NTM: variants seen among roughly 807,000 people sequenced by gnomAD.
The protein encoded by NTM is neurotrimin, also known as IgLON family member 2.
NTM carries 13 observed loss-of-function variants against 42.1 expected under a neutral mutation model. That is an observed-to-expected ratio of 0.31 (90% confidence interval 0.20 to 0.49). The LOEUF (loss-of-function observed/expected upper bound fraction) is 0.49. Among genes scored for constraint, NTM ranks in the 20% least tolerant of loss-of-function variants. The probability of loss-of-function intolerance (pLI) is 0.99; values close to 1 mark genes in which losing one functional copy is unlikely to be tolerated. For synonymous variants in NTM, 187 were observed against 179.2 expected, an observed-to-expected ratio of 1.04 and a Z score of -0.35; for missense variants, 373 against 452.8, an observed-to-expected ratio of 0.82 and a Z score of 1.60.
intron 1 of NTM, among the ~76,000 whole-genome samples, chr11:131,683,700 C>T (rs945783170): frequency 6.6e-5 from 10 of 152,192 alleles, no homozygotes; most frequent in African/African-American, 2.4e-4. Flanking sequence ...AGTGAGGCGA[C>T]CTGATCCCCA....
chr11:131,923,070 AAG>A (rs1555178040), intron 2 of NTM, among the ~76,000 whole-genome samples: 1 of 151,856 alleles, frequency 6.6e-6, no homozygotes, highest in Non-Finnish European at 1.5e-5. Context: ...TTAAAAAAAA[AAG>A]GCTTTACAGA....
chr11:131,651,090 CTT>C (rs2066421182), intron 1 of NTM, among the ~76,000 whole-genome samples: 2 of 152,184 alleles, frequency 1.3e-5, no homozygotes, highest in South Asian at 2.1e-4. Flanking sequence ...TAGATCCTGA[CTT>C]TTGCAACTAC....
In NTM at chr11:131,812,183, C is replaced by CCTCTCTCTCTCT. The variant is rs145003478; in HGVS notation, c.83-99354_83-99343dup. ...CTTTGTCAGAAAGATAATTAGTCAG[C>CCTCTCTCTCTCT]CTCTCTCTCTCTCTCTCTCTCTCTC... On this transcript the variant is annotated intron_variant, in intron 1 of 8. Coordinates refer to ENST00000683400, the MANE Select transcript of NTM (RefSeq NM_001352005.2). 2.8e-3 allele frequency among the ~76,000 whole-genome samples: 403 copies of CCTCTCTCTCTCT among 142,978 alleles called. 5 individuals are homozygous for CCTCTCTCTCTCT. The highest frequency in any genetic ancestry group is 9.3e-3 in the African/African-American group (338 of 36,258). 93.8% of individuals were successfully genotyped at this position (142,978 alleles called of 152,430 possible).
chr11:131,835,136 G>A (rs1353559562), intron 1 of NTM, among the ~76,000 whole-genome samples: 1 of 152,088 alleles, frequency 6.6e-6, no homozygotes, highest in Non-Finnish European at 1.5e-5. Flanking sequence ...TTTAGGAGAT[G>A]GTAGATACCA....
chr11:131,788,759 C>A (rs1420518982), intron 1 of NTM, among the ~76,000 whole-genome samples: 1 of 152,278 alleles, frequency 6.6e-6, no homozygotes, highest in East Asian at 1.9e-4. Flanking sequence ...CTCCCACTTT[C>A]TTTTCTTCCA....
At chr11:131,987,596 C>T (rs1412972163) in intron 2 of NTM, among the ~76,000 whole-genome samples, 3 of 152,138 alleles carry the variant, frequency 2.0e-5, no homozygotes, top group Admixed American at 6.5e-5. Context: ...AAAGTGAGGA[C>T]TAGAGAATAC....
intron 2 of NTM, among the ~76,000 whole-genome samples, chr11:132,043,357 T>C (rs2077460779): frequency 6.6e-6 from 1 of 152,212 alleles, no homozygotes; most frequent in Admixed American, 6.5e-5. Flanking sequence ...ACCTGTCCCT[T>C]AACAAAGGCC....
At chr11:132,107,186 C>T (rs2062487995) in intron 2 of NTM, among the ~76,000 whole-genome samples, 1 of 152,094 alleles carries the variant, frequency 6.6e-6, no homozygotes, top group Non-Finnish European at 1.5e-5. Flanking sequence ...GGACTGTCAG[C>T]TACTCCCTAC....
chr11:131,774,185 T>C lies in NTM; in HGVS notation c.83-137379T>C, dbSNP rs542514513. The C allele has an allele frequency of 5.3e-4, 478 of 906,550 alleles. 3 individuals carry two copies. The African/African-American group carries it at 5.7e-3, about 11-fold the overall frequency. 56.2% of individuals were successfully genotyped at this position (906,550 alleles called of 1,614,324 possible). On this transcript the variant is annotated intron_variant, in intron 1 of 8. Coordinates refer to ENST00000683400, the MANE Select transcript of NTM (RefSeq NM_001352005.2). The stretch of plus-strand genomic sequence containing the variant: ...TCAGCTCTAAGAGATTTTCTTTATC[T>C]CCATAGCCTTTATGAGGCTTCTTAC...
chr11:131,590,628 C>T (rs2059279896), intron 1 of NTM, among the ~76,000 whole-genome samples: 2 of 152,320 alleles, frequency 1.3e-5, no homozygotes, highest in Middle Eastern at 3.4e-3. Context: ...ATTATAACAA[C>T]AACATTCCTT....
intron 1 of NTM, among the ~76,000 whole-genome samples, chr11:131,451,025 C>T (rs970687196): frequency 1.1e-4 from 17 of 151,934 alleles, no homozygotes; most frequent in African/African-American, 1.9e-4. Context: ...AGTCTATAGA[C>T]ATCAAAATTG....
chr11:131,600,056 A>C (rs540605830), intron 1 of NTM, among the ~76,000 whole-genome samples: 14 of 152,336 alleles, frequency 9.2e-5, no homozygotes, highest in African/African-American at 2.9e-4. Context: ...TGGGGTCTGA[A>C]GTTGAGCCAC....
intron 1 of NTM, among the ~76,000 whole-genome samples, chr11:131,751,562 C>A (rs1353538783): frequency 1.3e-5 from 2 of 150,288 alleles, no homozygotes; most frequent in African/African-American, 4.9e-5. Context: ...TGCACTCTGG[C>A]CTGGGCAAAA....
In NTM at chr11:131,698,554, A is replaced by G. The variant is rs188451634; in HGVS notation, c.83-213010A>G. ...GATGAGGGAATTGTGATTTCCTTTAAAAACCAGACATTTCCCATTGGAAAA... is the reference window on the plus strand; with the variant it reads ...GATGAGGGAATTGTGATTTCCTTTAGAAACCAGACATTTCCCATTGGAAAA... On this transcript the variant is annotated intron_variant, in intron 1 of 8. Coordinates refer to ENST00000683400, the MANE Select transcript of NTM (RefSeq NM_001352005.2). 2.7e-3 allele frequency among the ~76,000 whole-genome samples: 410 copies of G among 152,284 alleles called. 1 individual carries two copies. The highest frequency in any genetic ancestry group is 9.2e-3 in the African/African-American group (382 of 41,544).
chr11:131,863,415 G>A (rs756158840), intron 1 of NTM, among the ~76,000 whole-genome samples: 7 of 152,104 alleles, frequency 4.6e-5, no homozygotes, highest in Middle Eastern at 3.2e-3. Context: ...ACTCCACTGT[G>A]CAGCAGGCTG....
At chr11:131,956,779 C>T (rs897769267) in intron 2 of NTM, among the ~76,000 whole-genome samples, 2 of 152,148 alleles carry the variant, frequency 1.3e-5, no homozygotes, top group African/African-American at 4.8e-5. Flanking sequence ...CCTCTTCACT[C>T]TATGGTCAGC....
intron 1 of NTM, among the ~76,000 whole-genome samples, chr11:131,713,936 C>A (rs938101920): frequency 6.6e-6 from 1 of 152,192 alleles, no homozygotes; most frequent in Non-Finnish European, 1.5e-5. Flanking sequence ...TTGACTTGGA[C>A]TTTGTTACGT....
intron 1 of NTM, among the ~76,000 whole-genome samples, chr11:131,856,679 A>G (rs1472762998): frequency 6.6e-6 from 1 of 152,228 alleles, no homozygotes; most frequent in African/African-American, 2.4e-5. Flanking sequence ...AAAAGAAAAG[A>G]AATGTCTTAT....
intron 1 of NTM, chr11:131,796,310 C>T (rs2091553321): frequency 2.9e-6 from 1 of 341,888 alleles, no homozygotes; most frequent in Non-Finnish European, 4.1e-6. Context: ...GTCTCAGGAG[C>T]ACGCAGGAGG....
Sources: gnomAD v4.1 joint callset for allele counts (sites outside exome capture counted in the v4.1 genomes callset) on GRCh38, gnomAD v4.1.1 for gene constraint, MANE v1.5 for transcripts, NCBI Gene and HGNC (gene_info 2026-07-23, HGNC 2026-07-21) for gene names.